Variants in ATP13A3 observed in about 807,000 individuals in gnomAD.
The protein encoded by ATP13A3 is polyamine-transporting ATPase 13A3.
In ATP13A3, 59 loss-of-function variants were observed where a neutral mutation model predicts 158.1. The ratio of observed to expected loss-of-function variants is 0.37; its 90% CI spans 0.30 to 0.46. The LOEUF is 0.46. Among genes scored for constraint, ATP13A3 ranks in the 20% least tolerant of loss-of-function variants. The probability of loss-of-function intolerance (pLI) is 1.00; values close to 1 mark genes in which losing one functional copy is unlikely to be tolerated. For synonymous variants in ATP13A3, 491 were observed against 504.3 expected, an observed-to-expected ratio of 0.97 and a Z score of 0.35; for missense variants, 1,166 against 1,525.2, an observed-to-expected ratio of 0.76 and a Z score of 3.92.
intron 2 of ATP13A3, among the ~76,000 whole-genome samples, chr3:194,464,359 G>T (rs963926401): frequency 3.3e-5 from 5 of 152,172 alleles, no homozygotes; most frequent in African/African-American, 4.8e-5. Flanking sequence ...TAAACAAGCC[G>T]TATGACCACA....
At chr3:194,474,373 CAAA>C (rs1300062797) in intron 2 of ATP13A3, among the ~76,000 whole-genome samples, 2 of 152,090 alleles carry the variant, frequency 1.3e-5, no homozygotes, top group Admixed American at 1.3e-4. Context: ...AGGCTGGTCT[CAAA>C]CACCTGGGCT....
chr3:194,462,587 G>A (rs1204080192), intron 2 of ATP13A3, among the ~76,000 whole-genome samples: 1 of 152,182 alleles, frequency 6.6e-6, no homozygotes. Context: ...ACCCGTAACT[G>A]TCTTCCATGA....
Position 194,438,881 on chromosome 3 carries a change from G to A in ATP13A3, c.1802C>T (p.Ser601Phe). The A allele has an allele frequency of 6.2e-7, 1 of 1,604,032 alleles. No homozygotes were observed. Among genetic ancestry groups the A allele is most frequent in the Non-Finnish European group, 8.5e-7 (1 of 1,172,656 alleles). ...VRPPKQLLPESTPAGNQEMEL... is the reference protein window; with the variant it reads ...VRPPKQLLPEFTPAGNQEMEL... ...CATTTCTTGGTTTCCTGCAGGGGTA[G>A]ATTCAGGAAGCAGTTGTTTGGGAGG... Residue 601 changes from serine (S) to phenylalanine (F), a missense_variant, in exon 17 of 34, where the codon TCT becomes TTT. Physicochemically the swap from Ser to Phe is radical, Grantham distance 155. This residue lies in a region of ATP13A3 where 997 missense variants were observed against 1,341.2 expected (regional missense o/e 0.74). Coordinates refer to ENST00000645319, the MANE Select transcript of ATP13A3 (RefSeq NM_001367549.1).
intron 31 of ATP13A3, chr3:194,419,660 A>T: frequency 3.6e-6 from 2 of 548,396 alleles, no homozygotes; most frequent in Non-Finnish European, 2.3e-6. Context: ...AGGGCTATTT[A>T]ATTTGTTTGC....
intron 2 of ATP13A3, chr3:194,468,258 C>G (rs1720112197): frequency 6.6e-6 from 1 of 152,042 alleles, no homozygotes; most frequent in South Asian, 2.1e-4. Flanking sequence ...AGTTAGCTCA[C>G]CGAAGTTCCA....
rs768652400 is a variant in ATP13A3 at position 194,437,048 on chromosome 3, C to A, written c.2120+47G>T. On this transcript the variant is annotated intron_variant, in intron 20 of 33. Coordinates refer to ENST00000645319, the MANE Select transcript of ATP13A3 (RefSeq NM_001367549.1). ...AAATTACTGTGCATGACTAATATAA[C>A]CATAAATGATGATGACTGGGAAACT... 2.5e-6 allele frequency: 4 copies of A among 1,587,654 alleles called. No individual in the cohort carries two copies. In the South Asian group the frequency reaches 4.5e-5, roughly 18 times the overall value.
chr3:194,473,168 T>G (rs1577090908), intron 2 of ATP13A3, among the ~76,000 whole-genome samples: 1 of 152,188 alleles, frequency 6.6e-6, no homozygotes, highest in South Asian at 2.1e-4. Context: ...CAATGAGAAA[T>G]TATATATTTT....
chr3:194,439,655 ATGCATCTTGTATCATATGACATC>A (rs935834177), intron 16 of ATP13A3, among the ~76,000 whole-genome samples: 4 of 152,206 alleles, frequency 2.6e-5, no homozygotes, highest in African/African-American at 9.7e-5. Context: ...TAAAACTGGG[ATGCATCTTGTATCATATGACATC>A]TGCATCTTGT....
In ATP13A3 at chr3:194,476,583, C is replaced by T. The variant is rs183361112; in HGVS notation, c.-47+9211G>A. Among the ~76,000 whole-genome samples the T allele has an allele frequency of 4.1e-4, 62 of 152,272 alleles. No individual in the cohort carries two copies. In the East Asian group the frequency reaches 9.3e-3, roughly 23 times the overall value. On this transcript the variant is annotated intron_variant, in intron 2 of 33. Coordinates refer to ENST00000645319, the MANE Select transcript of ATP13A3 (RefSeq NM_001367549.1). The stretch of plus-strand genomic sequence containing the variant: ...TTTTGACTACCCTTCTCAAATCCAC[C>T]TCACCATGCCTATCTCCATCAGCTT...
rs1471948517 is a variant in ATP13A3, at chr3:194,403,362, T to C, written c.*2557A>G. On this transcript the variant is annotated 3_prime_UTR_variant, in exon 34 of 34. Coordinates refer to ENST00000645319, the MANE Select transcript of ATP13A3 (RefSeq NM_001367549.1). ...TTGTATTCAAGCATTATTTGCAGCA[T>C]TGCTTTACAGCAGTTGGTGCTAGAA... 1 of 152,254 alleles carries C rather than the reference T, an allele frequency of 6.6e-6. No homozygotes were observed. Among genetic ancestry groups the C allele is most frequent in the Non-Finnish European group, 1.5e-5 (1 of 68,042 alleles). 9.4% of individuals were successfully genotyped at this position (152,254 alleles called of 1,614,324 possible). A position where few individuals can be genotyped will look rare whatever the true frequency, so the allele number is the denominator to read the frequency against.
In ATP13A3 at chr3:194,455,917, A is replaced by T. The variant is rs375137211; in HGVS notation, c.606T>A (p.Ser202=). ...GVNEIAVKVP[S]VFKLLIKEVL... is the part of the protein sequence containing the mutation. Reference sequence around the variant, plus strand: ...CCTCTTTAATTAGAAGCTTAAAAACAGAAGGCACTTTTACAGCAATTTCAT... The same window carrying T: ...CCTCTTTAATTAGAAGCTTAAAAACTGAAGGCACTTTTACAGCAATTTCAT... The change falls in exon 8 of 34, where the codon TCT becomes TCA. Residue 202 remains serine, a synonymous_variant. Coordinates refer to ENST00000645319, the MANE Select transcript of ATP13A3 (RefSeq NM_001367549.1). 32 of 1,555,088 alleles carry T rather than the reference A, an allele frequency of 2.1e-5. No individual in the cohort carries two copies. The highest frequency in any genetic ancestry group is 1.7e-4 in the Middle Eastern group (1 of 5,938).
chr3:194,492,168 C>T (rs1199454511), intron 2 of ATP13A3, among the ~76,000 whole-genome samples: 1 of 152,250 alleles, frequency 6.6e-6, no homozygotes, highest in African/African-American at 2.4e-5. Flanking sequence ...TCACCGCAGA[C>T]CCCTTCCCCA....
At position 194,454,404 on chromosome 3, in the gene ATP13A3, GAT is replaced by G; in HGVS notation, c.631-14_631-13del. ...AATGGGTTGAGAACCTAAAAAACAAGATTTTAAAGTCAAACTGAATGAGGTAT... is the reference window on the plus strand; with the variant it reads ...AATGGGTTGAGAACCTAAAAAACAAGTTTAAAGTCAAACTGAATGAGGTAT... On this transcript the variant is annotated splice_polypyrimidine_tract_variant and intron_variant, in intron 8 of 33. Transcript: ENST00000645319. The G allele has an allele frequency of 6.2e-7, 1 of 1,604,400 alleles. No individual in the cohort carries two copies. The highest frequency in any genetic ancestry group is 1.1e-5 in the South Asian group (1 of 90,586).
chr3:194,450,086 C>T, intron 11 of ATP13A3, 59 bp downstream of exon 11: 1 of 1,552,666 alleles, frequency 6.4e-7, no homozygotes, highest in South Asian at 1.1e-5. Flanking sequence ...GGCTTACTCA[C>T]TAACTTAGTC....
chr3:194,476,477 G>A (rs1460618148), intron 2 of ATP13A3, among the ~76,000 whole-genome samples: 1 of 152,062 alleles, frequency 6.6e-6, no homozygotes, highest in African/African-American at 2.4e-5. Context: ...AGTATGAGTT[G>A]CCTAAAAAGC....
chr3:194,459,366 A>G (rs1324597477), intron 6 of ATP13A3, 105 bp downstream of exon 6: 4 of 789,644 alleles, frequency 5.1e-6, no homozygotes, highest in Non-Finnish European at 8.3e-6. Context: ...TAGAAATTAT[A>G]AAATAAAACC....
intron 31 of ATP13A3, among the ~76,000 whole-genome samples, chr3:194,415,130 C>T (rs1226184211): frequency 6.6e-6 from 1 of 152,166 alleles, no homozygotes; most frequent in East Asian, 1.9e-4. Flanking sequence ...GACAGCAAAG[C>T]ATCACAAAAT....
At chr3:194,437,000 T>C in intron 20 of ATP13A3, 95 bp downstream of exon 20, 4 of 1,380,756 alleles carry the variant, frequency 2.9e-6, no homozygotes, top group Non-Finnish European at 4.0e-6. Flanking sequence ...TTTCATACAT[T>C]CAATAAATAC....
At chr3:194,469,913 T>A (rs1720221178) in intron 2 of ATP13A3, among the ~76,000 whole-genome samples, 2 of 152,228 alleles carry the variant, frequency 1.3e-5, no homozygotes, top group South Asian at 2.1e-4. Context: ...TTAACTTTAG[T>A]CATTGAACAA....
Sources: gnomAD v4.1 joint callset for allele counts (sites outside exome capture counted in the v4.1 genomes callset) on GRCh38, gnomAD v4.1.1 for gene constraint, gnomAD v4.1.1 regional missense constraint, MANE v1.5 for transcripts, NCBI Gene and HGNC (gene_info 2026-07-23, HGNC 2026-07-21) for gene names.